Variants in TSHR observed in about 807,000 individuals in gnomAD.
TSHR encodes thyrotropin receptor.
A neutral mutation model predicts 64.1 loss-of-function variants in TSHR; 51 were observed. The observed-to-expected ratio is 0.80, with a 90% CI of 0.64 to 1.01. The LOEUF (loss-of-function observed/expected upper bound fraction) is 1.01, where lower values mean the gene tolerates loss of function less well. Among genes scored for constraint, TSHR ranks in the 50% least tolerant of loss-of-function variants. TSHR has a pLI of 0.00. For missense variants in TSHR, 877 were observed against 942.8 expected (o/e 0.93, Z 0.91); for synonymous variants, 361 against 361.9 (o/e 1.00, Z 0.03).
chr14:81,139,221 A>T (rs1433639279), intron 8 of TSHR, among the ~76,000 whole-genome samples: 7 of 152,150 alleles, frequency 4.6e-5, no homozygotes, highest in Admixed American at 2.0e-4. Context: ...GATTTTCATG[A>T]TACTGATGTT....
intron 1 of TSHR, among the ~76,000 whole-genome samples, chr14:80,972,340 CCATA>C (rs1887626631): frequency 6.6e-6 from 1 of 151,968 alleles, no homozygotes; most frequent in Non-Finnish European, 1.5e-5. Flanking sequence ...ATGCCCAGAC[CCATA>C]CTATATGTCT....
chr14:80,999,926 C>CTTTTTTTTTTTT (rs887541689), intron 1 of TSHR, among the ~76,000 whole-genome samples: 9 of 142,870 alleles, frequency 6.3e-5, no homozygotes, highest in Non-Finnish European at 7.5e-5. Context: ...AATTTTTTTT[C>CTTTTTTTTTTTT]TTTTTTTTCT....
intron 8 of TSHR, among the ~76,000 whole-genome samples, chr14:81,122,233 G>T (rs146041395): frequency 0.027 from 4,040 of 150,808 alleles, 199 homozygotes; most frequent in African/African-American, 0.093. Context: ...AGTAGAGATG[G>T]GGTTTCACCA....
At position 81,143,791 on chromosome 14, in the gene TSHR, T is replaced by C. The variant is rs1237473071; in HGVS notation, c.1733T>C (p.Leu578Pro). ...ICLPMDTETPLALAYIVFVLT... is the reference protein window; with the variant it reads ...ICLPMDTETPPALAYIVFVLT... ...CTGCCCATGGACACCGAGACCCCTC[T>C]TGCTCTGGCATATATTGTTTTTGTT... The change falls in exon 10 of 10, where the codon CTT becomes CCT. Residue 578 changes from leucine to proline, a missense_variant. Coordinates refer to ENST00000298171, the MANE Select transcript of TSHR (RefSeq NM_000369.5). The C allele has an allele frequency of 6.2e-7, 1 of 1,614,024 alleles. No homozygotes were observed. Among genetic ancestry groups the C allele is most frequent in the Non-Finnish European group, 8.5e-7 (1 of 1,180,032 alleles).
intron 1 of TSHR, chr14:81,033,183 G>T: frequency 2.3e-6 from 1 of 435,278 alleles, no homozygotes; most frequent in Non-Finnish European, 4.4e-6. Context: ...TGAATGAATG[G>T]ATCACTAATG....
At position 81,144,864 on chromosome 14, in the gene TSHR, G is replaced by T. The variant is rs898535907; in HGVS notation, c.*511G>T. On this transcript the variant is annotated 3_prime_UTR_variant, in exon 10 of 10. Transcript: ENST00000298171. ...ACTGAAAAGCCAAACACAGCTAGCTGTCATACAAGAAACAGCTATTATGAG... is the reference window on the plus strand; with the variant it reads ...ACTGAAAAGCCAAACACAGCTAGCTTTCATACAAGAAACAGCTATTATGAG... The T allele has an allele frequency of 2.9e-5, 7 of 237,990 alleles. No homozygotes were observed. Among genetic ancestry groups the T allele is most frequent in the African/African-American group, 1.5e-4 (7 of 45,366 alleles). 14.7% of individuals were successfully genotyped at this position (237,990 alleles called of 1,614,324 possible).
Position 80,976,268 on chromosome 14 carries a change from T to C in TSHR, c.170+20418T>C, listed in dbSNP as rs1887871824. Among the ~76,000 whole-genome samples, 4 of 152,240 alleles carry C rather than the reference T, an allele frequency of 2.6e-5. No homozygotes were observed. In the South Asian group the frequency reaches 8.3e-4, roughly 32 times the overall value. ...CACCCCTTGCAAGATACAGATCTGG[T>C]TCTCCACATACCTTTGGGGAACAGG... On this transcript the variant is annotated intron_variant, in intron 1 of 9. Coordinates refer to ENST00000298171, the MANE Select transcript of TSHR (RefSeq NM_000369.5).
intron 7 of TSHR, among the ~76,000 whole-genome samples, chr14:81,097,020 A>G (rs1050941879): frequency 6.6e-6 from 1 of 152,114 alleles, no homozygotes; most frequent in Non-Finnish European, 1.5e-5. Context: ...CTGTTCAGAA[A>G]ATAAGGTGGT....
At chr14:81,000,998 C>T (rs541100723) in intron 1 of TSHR, among the ~76,000 whole-genome samples, 21 of 152,116 alleles carry the variant, frequency 1.4e-4, no homozygotes, top group Non-Finnish European at 2.8e-4. Flanking sequence ...AAAACAAGGA[C>T]AGGCGATTCT....
intron 1 of TSHR, among the ~76,000 whole-genome samples, chr14:80,984,110 T>A (rs1156865404): frequency 6.6e-6 from 1 of 152,130 alleles, no homozygotes; most frequent in African/African-American, 2.4e-5. Context: ...CATGACCAAA[T>A]GTGCACTCTC....
At chr14:81,112,103 TG>T (rs1425274267) in intron 8 of TSHR, among the ~76,000 whole-genome samples, 1 of 152,174 alleles carries the variant, frequency 6.6e-6, no homozygotes, top group Non-Finnish European at 1.5e-5. Flanking sequence ...TTCCAGGTTG[TG>T]GAAAGTGACA....
At position 81,127,796 on chromosome 14, in the gene TSHR, C is replaced by A. The variant is rs113869148; in HGVS notation, c.693-11883C>A. Among the ~76,000 whole-genome samples the A allele has an allele frequency of 1.6e-3, 245 of 152,280 alleles. 1 individual carries two copies. Among genetic ancestry groups the A allele is most frequent in the African/African-American group, 5.4e-3 (224 of 41,546 alleles). On this transcript the variant is annotated intron_variant, in intron 8 of 9. Coordinates refer to ENST00000298171, the MANE Select transcript of TSHR (RefSeq NM_000369.5). Reference sequence around the variant, plus strand: ...TCCACCATGATTGTGAGGTGGGAGGCAACGTGGAACTGTGAGTCCACATTG... The same window carrying A: ...TCCACCATGATTGTGAGGTGGGAGGAAACGTGGAACTGTGAGTCCACATTG...
chr14:81,131,889 C>A lies in TSHR; in HGVS notation c.693-7790C>A, dbSNP rs146771732. Among the ~76,000 whole-genome samples, 5 of 152,300 alleles carry A rather than the reference C, an allele frequency of 3.3e-5. No homozygotes were observed. The East Asian group carries it at 7.7e-4, about 23-fold the overall frequency. The stretch of plus-strand genomic sequence containing the variant: ...ACCTTTTTCTCCACTAGAATGTAAG[C>A]ATGAGGAGAGCAGGAATTTCTGCCT... On this transcript the variant is annotated intron_variant, in intron 8 of 9. Transcript: ENST00000298171.
chr14:81,050,637 T>C (rs889759638), intron 1 of TSHR: 5 of 152,230 alleles, frequency 3.3e-5, no homozygotes, highest in Admixed American at 2.6e-4. Context: ...ATGTGGTAGG[T>C]ACAATCCTAT....
intron 1 of TSHR, among the ~76,000 whole-genome samples, chr14:80,975,890 C>A (rs179261): frequency 6.6e-6 from 1 of 151,676 alleles, no homozygotes; most frequent in East Asian, 1.9e-4. Flanking sequence ...GCCAACTGCA[C>A]TCCTTGCAGC....
intron 1 of TSHR, among the ~76,000 whole-genome samples, chr14:81,056,721 C>CA (rs1164567622): frequency 6.6e-6 from 1 of 152,044 alleles, no homozygotes; most frequent in Non-Finnish European, 1.5e-5. Context: ...AGATCACACA[C>CA]AAAAAAAGCC....
At chr14:81,115,432 G>A (rs375229318) in intron 8 of TSHR, among the ~76,000 whole-genome samples, 64 of 140,370 alleles carry the variant, frequency 4.6e-4, no homozygotes, top group East Asian at 2.0e-3. Context: ...GGGTATCAGC[G>A]ATGGAAGATG....
chr14:81,139,951 T>C (rs1891616772), intron 9 of TSHR, 84 bp downstream of exon 9: 26 of 1,539,448 alleles, frequency 1.7e-5, no homozygotes, highest in Non-Finnish European at 2.2e-5. Context: ...AGATGCTTCC[T>C]GGTTTGAAAA....
intron 1 of TSHR, among the ~76,000 whole-genome samples, chr14:80,987,877 T>C (rs1888547957): frequency 6.6e-6 from 1 of 152,206 alleles, no homozygotes; most frequent in Non-Finnish European, 1.5e-5. Context: ...TATGAAAATA[T>C]TGCCCTTCCC....
Sources: allele counts gnomAD v4.1 joint callset (sites outside exome capture counted in the v4.1 genomes callset), GRCh38; gene constraint gnomAD v4.1.1; transcripts MANE v1.5; gene names NCBI Gene and HGNC (gene_info 2026-07-23, HGNC 2026-07-21).